Variants in MED12L observed in about 807,000 individuals in gnomAD.
The protein encoded by MED12L is mediator complex subunit 12L, also known as mediator of RNA polymerase II transcription subunit 12-like protein.
In MED12L, 60 loss-of-function variants were observed where a neutral mutation model predicts 281.3. That is an observed-to-expected ratio of 0.21 (90% CI 0.17 to 0.26). The LOEUF is 0.26. Among genes scored for constraint, MED12L ranks in the 10% least tolerant of loss-of-function variants. The pLI, the probability that MED12L is intolerant of heterozygous loss-of-function variation, is 1.00. For missense variants in MED12L, 2,146 were observed against 2,680.9 expected, an observed-to-expected ratio of 0.80 and a Z score of 4.41; for synonymous variants, 974 against 987.2, an observed-to-expected ratio of 0.99 and a Z score of 0.25.
chr3:151,287,003 C>G (rs1005485644), intron 16 of MED12L, among the ~76,000 whole-genome samples: 3 of 152,128 alleles, frequency 2.0e-5, no homozygotes, highest in African/African-American at 7.2e-5. Context: ...ACTTCTTCAT[C>G]TCTAATTAGG....
intron 16 of MED12L, among the ~76,000 whole-genome samples, chr3:151,319,468 CGTGTGTGTGTGTGT>C (rs34335179): frequency 1.9e-4 from 27 of 145,644 alleles, no homozygotes; most frequent in African/African-American, 5.9e-4. Flanking sequence ...TGTGTGTGTG[CGTGTGTGTGTGTGT>C]GTGTGTGTGT....
intron 39 of MED12L, among the ~76,000 whole-genome samples, chr3:151,408,238 A>T (rs991474503): frequency 6.6e-6 from 1 of 152,186 alleles, no homozygotes. Flanking sequence ...AGAAAATGAG[A>T]GTAAGAACCA....
chr3:151,350,128 G>C lies in MED12L; in HGVS notation c.2320G>C (p.Glu774Gln). ...LLYGVGKERD[E>Q]ARHQLKKITK... is the part of the protein sequence containing the mutation. ...CTATGGAGTCGGCAAAGAGCGTGATGAAGCAAGGCATCAGCTGAAGAAGAT... is the reference window on the plus strand; with the variant it reads ...CTATGGAGTCGGCAAAGAGCGTGATCAAGCAAGGCATCAGCTGAAGAAGAT... Residue 774 changes from glutamate (E) to glutamine (Q), a missense_variant, in exon 17 of 45, where the codon GAA (glutamate) becomes CAA (glutamine). Physicochemically the swap from Glu to Gln is conservative, Grantham distance 29. Around this residue, in one of 9 missense-constraint regions of MED12L, gnomAD observed 404 missense variants for 603.5 expected, o/e 0.67. Coordinates refer to ENST00000687756, the MANE Select transcript of MED12L (RefSeq NM_001393769.1). The C allele has an allele frequency of 6.2e-7, 1 of 1,613,698 alleles. No homozygotes were observed. Among genetic ancestry groups the C allele is most frequent in the East Asian group, 2.2e-5 (1 of 44,856 alleles).
intron 16 of MED12L, among the ~76,000 whole-genome samples, chr3:151,312,128 C>T (rs1747630285): frequency 6.6e-6 from 1 of 152,162 alleles, no homozygotes; most frequent in Admixed American, 6.5e-5. Flanking sequence ...TTGAAAGGCC[C>T]AGTGATTTAT....
chr3:151,136,715 C>T (rs1334430050), intron 5 of MED12L, among the ~76,000 whole-genome samples: 2 of 152,184 alleles, frequency 1.3e-5, no homozygotes, highest in South Asian at 2.1e-4. Context: ...AGGCATTCTT[C>T]AGTAAATGAG....
chr3:151,183,247 C>G (rs548509928), intron 11 of MED12L, among the ~76,000 whole-genome samples: 1 of 152,326 alleles, frequency 6.6e-6, no homozygotes, highest in Admixed American at 6.5e-5. Flanking sequence ...GACCATGCCT[C>G]TCGTAAAACC....
chr3:151,326,521 A>T (rs1251695785), intron 16 of MED12L: 2 of 152,458 alleles, frequency 1.3e-5, no homozygotes, highest in African/African-American at 4.8e-5. Flanking sequence ...TATTTCATGG[A>T]CCAAGTGATG....
chr3:151,214,126 A>G (rs1461561971), intron 16 of MED12L: 2 of 1,614,020 alleles, frequency 1.2e-6, no homozygotes, highest in Non-Finnish European at 1.7e-6. Context: ...GTCAGCAATA[A>G]CAATGTTCTT....
At chr3:151,204,442 T>C (rs1026236173) in intron 16 of MED12L, among the ~76,000 whole-genome samples, 1 of 152,182 alleles carries the variant, frequency 6.6e-6, no homozygotes, top group Non-Finnish European at 1.5e-5. Context: ...CAAATTCATA[T>C]AATTATTATT....
chr3:151,262,317 C>T (rs1038892628), intron 16 of MED12L, among the ~76,000 whole-genome samples: 6 of 152,208 alleles, frequency 3.9e-5, no homozygotes, highest in Non-Finnish European at 7.3e-5. Context: ...TTGTTCATCT[C>T]CAGTAGCATG....
In MED12L at chr3:151,435,545, T is replaced by C. The variant is rs1720052955; in HGVS notation, c.*2741T>C. 1 of 152,220 alleles carries C rather than the reference T, an allele frequency of 6.6e-6. No homozygotes were observed. Among genetic ancestry groups the C allele is most frequent in the African/African-American group, 2.4e-5 (1 of 41,556 alleles). 9.4% of individuals were successfully genotyped at this position (152,220 alleles called of 1,614,324 possible). A position where few individuals can be genotyped will look rare whatever the true frequency, so the allele number is the denominator to read the frequency against. ...CAAATGATTGGCAGGGGCTAACTTA[T>C]TAGTAATTCTCGGTTTTGTGCACTG... On this transcript the variant is annotated 3_prime_UTR_variant, in exon 45 of 45. Coordinates refer to ENST00000687756, the MANE Select transcript of MED12L (RefSeq NM_001393769.1).
At chr3:151,230,879 C>T (rs1731537586) in intron 16 of MED12L, among the ~76,000 whole-genome samples, 1 of 152,136 alleles carries the variant, frequency 6.6e-6, no homozygotes, top group Non-Finnish European at 1.5e-5. Context: ...TCTCACTAGC[C>T]ACTGAAAGGA....
intron 16 of MED12L, among the ~76,000 whole-genome samples, chr3:151,257,564 A>G (rs1283423567): frequency 6.6e-6 from 1 of 152,246 alleles, no homozygotes; most frequent in East Asian, 1.9e-4. Context: ...GTTGTGAGGA[A>G]TATTGTTCTG....
intron 16 of MED12L, among the ~76,000 whole-genome samples, chr3:151,235,426 C>A (rs1439863990): frequency 6.6e-6 from 1 of 152,086 alleles, no homozygotes; most frequent in Non-Finnish European, 1.5e-5. Context: ...CAACTCATGG[C>A]CTGGCATGGT....
intron 16 of MED12L, among the ~76,000 whole-genome samples, chr3:151,229,302 A>G (rs992225428): frequency 2.9e-5 from 4 of 139,648 alleles, no homozygotes; most frequent in Non-Finnish European, 6.1e-5. Context: ...AAATTCAGCA[A>G]TTCTTTTTTT....
intron 16 of MED12L, among the ~76,000 whole-genome samples, chr3:151,241,036 G>C (rs1438265393): frequency 6.6e-6 from 1 of 151,922 alleles, no homozygotes; most frequent in Non-Finnish European, 1.5e-5. Flanking sequence ...GAGAGTATCT[G>C]TGTAAAGGCT....
At chr3:151,247,896 G>A (rs987647646) in intron 16 of MED12L, among the ~76,000 whole-genome samples, 5 of 145,950 alleles carry the variant, frequency 3.4e-5, no homozygotes, top group African/African-American at 1.0e-4. Context: ...TTCTTATAAT[G>A]TATTCAGAAG....
At chr3:151,235,712 T>C (rs1732608398) in intron 16 of MED12L, among the ~76,000 whole-genome samples, 1 of 151,610 alleles carries the variant, frequency 6.6e-6, no homozygotes, top group Non-Finnish European at 1.5e-5. Context: ...AATAAATAAA[T>C]AAATAAATAA....
At chr3:151,089,869 ACCT>A (rs1282238880) in intron 2 of MED12L, among the ~76,000 whole-genome samples, 1 of 151,440 alleles carries the variant, frequency 6.6e-6, no homozygotes. Context: ...CATCCTTGAG[ACCT>A]CCTCCTTGCT....
Sources: gnomAD v4.1 joint callset for allele counts (sites outside exome capture counted in the v4.1 genomes callset) on GRCh38, gnomAD v4.1.1 for gene constraint, gnomAD v4.1.1 regional missense constraint, MANE v1.5 for transcripts, NCBI Gene and HGNC (gene_info 2026-07-23, HGNC 2026-07-21) for gene names.